The following C11orf42 variants were observed in gnomAD, a reference collection of about 807,000 sequenced individuals.
The protein encoded by C11orf42 is uncharacterized protein C11orf42.
C11orf42 carries 24 observed loss-of-function variants against 27.9 expected under a neutral mutation model. The ratio of observed to expected loss-of-function variants is 0.86; its 90% CI spans 0.62 to 1.21. The LOEUF is 1.21. Among genes scored for constraint, C11orf42 ranks in the 50% most tolerant of loss-of-function variants. The pLI, the probability that C11orf42 is intolerant of heterozygous loss-of-function variation, is 0.00. For synonymous variants in C11orf42, 187 were observed against 180.8 expected (o/e 1.03, Z -0.28); for missense variants, 455 against 424.1 (o/e 1.07, Z -0.64).
In C11orf42 at chr11:6,210,072, G is replaced by C. The variant is rs1847030469; in HGVS notation, c.295G>C (p.Glu99Gln). 3 of 1,614,218 alleles carry C rather than the reference G, an allele frequency of 1.9e-6. No individual in the cohort carries two copies. The highest frequency in any genetic ancestry group is 1.1e-5 in the South Asian group (1 of 91,080). ...GGGTGCCTTCGCCCACTGCACTCGG[G>C]AATACTCACCAAATGGCCGAGCAGA... ...SEGAFAHCTR[E>Q]YSPNGRAERA... The change falls in exon 2 of 3, where the codon GAA becomes CAA. Residue 99 changes from glutamate to glutamine, a missense_variant. Glu to Gln is a conservative substitution (Grantham distance 29). Transcript: ENST00000316375. This position sits in a 1 kb window ranked among gnomAD's most constrained non-coding sequence, Gnocchi z 4.0.
chr11:6,205,826 C>A (rs1037946771), intron 1 of C11orf42, 139 bp downstream of exon 1: 4 of 645,326 alleles, frequency 6.2e-6, no homozygotes, highest in South Asian at 6.2e-5. Context: ...ATGTGCCAGG[C>A]ACTGCAGTAA....
rs142849365 is a variant in C11orf42 at position 6,210,443 on chromosome 11, G to C, written c.666G>C (p.Gly222=). The change falls in exon 2 of 3, where the codon GGG becomes GGC. Residue 222 remains glycine, a synonymous_variant. Transcript: ENST00000316375. The surrounding 1 kb of genome is among the most constrained non-coding windows in gnomAD (Gnocchi z 4.0). ...KPLTKDPLPH[G]ANWVRPNLSI... ...TCACTAAAGACCCATTGCCCCATGGGGCCAACTGGGTCAGACCCAACCTCA... is the reference window on the plus strand; with the variant it reads ...TCACTAAAGACCCATTGCCCCATGGCGCCAACTGGGTCAGACCCAACCTCA... 1 of 1,614,154 alleles carries C rather than the reference G, an allele frequency of 6.2e-7. No individual in the cohort carries two copies. The highest frequency in any genetic ancestry group is 8.5e-7 in the Non-Finnish European group (1 of 1,180,024).
At chr11:6,206,289 A>C (rs1846978478) in intron 1 of C11orf42, among the ~76,000 whole-genome samples, 1 of 152,202 alleles carries the variant, frequency 6.6e-6, no homozygotes, top group Non-Finnish European at 1.5e-5. Flanking sequence ...CTTCCTATAG[A>C]ATCTGAACTT....
Position 6,209,896 on chromosome 11 carries a change from T to C in C11orf42, c.119T>C (p.Leu40Pro). Reference protein sequence around the residue: ...FGPNAVAVPFLSDAACYDLLG... With the variant: ...FGPNAVAVPFPSDAACYDLLG... ...CCCAATGCAGTAGCAGTACCTTTCC[T>C]GTCAGATGCAGCCTGCTATGACCTA... Residue 40 changes from leucine (L) to proline (P), a missense_variant, in exon 2 of 3, where the codon CTG becomes CCG. Physicochemically the swap from Leu to Pro is moderately conservative, Grantham distance 98. Transcript: ENST00000316375. 6.3e-7 allele frequency: 1 copy of C among 1,599,988 alleles called. No homozygotes were observed. Among genetic ancestry groups the C allele is most frequent in the Non-Finnish European group, 8.6e-7 (1 of 1,168,012 alleles).
intron 1 of C11orf42, among the ~76,000 whole-genome samples, chr11:6,208,650 C>T (rs1317269439): frequency 1.3e-5 from 2 of 152,166 alleles, no homozygotes; most frequent in East Asian, 3.9e-4. Context: ...TGGTCTCCAA[C>T]TCCTGACCTC....
At chr11:6,208,206 A>C (rs995929956) in intron 1 of C11orf42, among the ~76,000 whole-genome samples, 111 of 151,748 alleles carry the variant, frequency 7.3e-4, no homozygotes, top group African/African-American at 2.3e-3. Flanking sequence ...ACAAACAAAC[A>C]AACCACACAC....
In C11orf42 at chr11:6,210,939, C is replaced by T. The variant is rs758326666; in HGVS notation, c.899C>T (p.Pro300Leu). 1.2e-6 allele frequency: 2 copies of T among 1,609,012 alleles called. No homozygotes were observed. The highest frequency in any genetic ancestry group is 8.5e-7 in the Non-Finnish European group (1 of 1,178,404). Residue 300 changes from proline (P) to leucine (L), a missense_variant, in exon 3 of 3, where the codon CCT becomes CTT. Transcript: ENST00000316375. This position sits in a 1 kb window ranked among gnomAD's most constrained non-coding sequence, Gnocchi z 4.0. The part of the protein sequence containing the change: ...SENWLFSPRS[P>L]PPGAQGGGPR... ...AACTGGCTCTTCAGCCCCCGCAGCC[C>T]TCCACCAGGAGCCCAGGGTGGGGGC... is the stretch of plus-strand genomic sequence containing the variant.
rs773437281 is a variant in C11orf42 at position 6,205,672 on chromosome 11, C to T, written c.57C>T (p.Thr19=). Residue 19 remains threonine (T), a synonymous_variant, in exon 1 of 3, where the codon ACC becomes ACT. Transcript: ENST00000316375. ...LTLDEADATW[T]LIKDKVIEEH... ...TGGATGAAGCTGATGCCACCTGGACCCTCATCAAGGATAAGGTAGGTAAAG... is the reference window on the plus strand; with the variant it reads ...TGGATGAAGCTGATGCCACCTGGACTCTCATCAAGGATAAGGTAGGTAAAG... The T allele has an allele frequency of 2.5e-6, 4 of 1,613,640 alleles. No individual in the cohort carries two copies. Among genetic ancestry groups the T allele is most frequent in the East Asian group, 2.2e-5 (1 of 44,836 alleles).
chr11:6,207,148 A>C (rs1846987699), intron 1 of C11orf42, among the ~76,000 whole-genome samples: 1 of 152,206 alleles, frequency 6.6e-6, no homozygotes, highest in Non-Finnish European at 1.5e-5. Flanking sequence ...ATGAAGAAGC[A>C]GAAGTTCAGT....
Position 6,210,951 on chromosome 11 carries a change from C to G in C11orf42, c.911C>G (p.Ala304Gly). ...LFSPRSPPPGAQGGGPRDPDG... is the reference protein window; with the variant it reads ...LFSPRSPPPGGQGGGPRDPDG... Reference sequence around the variant, plus strand: ...AGCCCCCGCAGCCCTCCACCAGGAGCCCAGGGTGGGGGCCCCAGGGACCCC... The same window carrying G: ...AGCCCCCGCAGCCCTCCACCAGGAGGCCAGGGTGGGGGCCCCAGGGACCCC... The change falls in exon 3 of 3, where the codon GCC (alanine) becomes GGC (glycine). Residue 304 changes from alanine to glycine, a missense_variant. Transcript: ENST00000316375. This position sits in a 1 kb window ranked among gnomAD's most constrained non-coding sequence, Gnocchi z 4.0. 6.2e-7 allele frequency: 1 copy of G among 1,608,896 alleles called. No homozygotes were observed. Among genetic ancestry groups the G allele is most frequent in the Non-Finnish European group, 8.5e-7 (1 of 1,178,358 alleles).
At position 6,210,891 on chromosome 11, in the gene C11orf42, G is replaced by A; in HGVS notation, c.872-21G>A. 6.3e-7 allele frequency: 1 copy of A among 1,588,994 alleles called. No homozygotes were observed. The highest frequency in any genetic ancestry group is 8.6e-7 in the Non-Finnish European group (1 of 1,169,016). On this transcript the variant is annotated intron_variant, in intron 2 of 2. Coordinates refer to ENST00000316375, the MANE Select transcript of C11orf42 (RefSeq NM_173525.3). This position sits in a 1 kb window ranked among gnomAD's most constrained non-coding sequence, Gnocchi z 4.0. ...AAAGACCAGCCATGAGTCAAGCTGT[G>A]ACTATCCCCAACCCTGGCAGAGAAC...
intron 1 of C11orf42, among the ~76,000 whole-genome samples, chr11:6,207,123 G>A (rs1019532338): frequency 6.6e-6 from 1 of 152,106 alleles, no homozygotes; most frequent in Admixed American, 6.5e-5. Flanking sequence ...TGGGCCTAAG[G>A]TCCATATAAT....
intron 1 of C11orf42, 119 bp downstream of exon 1, chr11:6,205,806 C>A: frequency 1.3e-6 from 1 of 757,232 alleles, no homozygotes. Context: ...CATTTACTCA[C>A]TGCTTCCATA....
chr11:6,209,073 G>A (rs1048873759), intron 1 of C11orf42, among the ~76,000 whole-genome samples: 2 of 151,716 alleles, frequency 1.3e-5, no homozygotes, highest in Non-Finnish European at 2.9e-5. Context: ...CTACTTGGGA[G>A]GCTGAGCCAG....
chr11:6,206,414 G>A (rs2133761393), intron 1 of C11orf42, among the ~76,000 whole-genome samples: 1 of 152,298 alleles, frequency 6.6e-6, no homozygotes, highest in African/African-American at 2.4e-5. Flanking sequence ...CTGTATCTGG[G>A]TTGCAGATAT....
chr11:6,210,941 C>T lies in C11orf42; in HGVS notation c.901C>T (p.Pro301Ser). Residue 301 changes from proline (P) to serine (S), a missense_variant, in exon 3 of 3, where the codon CCA becomes TCA. Transcript: ENST00000316375. This position sits in a 1 kb window ranked among gnomAD's most constrained non-coding sequence, Gnocchi z 4.0. ...CTGGCTCTTCAGCCCCCGCAGCCCT[C>T]CACCAGGAGCCCAGGGTGGGGGCCC... ...ENWLFSPRSP[P>S]PGAQGGGPRD... The T allele has an allele frequency of 6.2e-7, 1 of 1,608,608 alleles. No individual in the cohort carries two copies.
At chr11:6,207,712 T>C (rs1284282073) in intron 1 of C11orf42, among the ~76,000 whole-genome samples, 1 of 152,236 alleles carries the variant, frequency 6.6e-6, no homozygotes, top group Non-Finnish European at 1.5e-5. Flanking sequence ...ACATCAGTTA[T>C]TCCTTCAGCC....
intron 1 of C11orf42, among the ~76,000 whole-genome samples, chr11:6,206,045 C>T (rs1310408205): frequency 6.6e-6 from 1 of 151,968 alleles, no homozygotes; most frequent in Non-Finnish European, 1.5e-5. Context: ...GAGAACCTGA[C>T]AAAAAGTGCT....
Position 6,210,285 on chromosome 11 carries a change from T to G in C11orf42, c.508T>G (p.Trp170Gly). The stretch of plus-strand genomic sequence containing the variant: ...CATCTACCAGGTCTTCTCTTGTTCC[T>G]GGCTGCAGCTGGGGCTGACGTCTAC... Reference protein sequence around the residue: ...YVIYQVFSCSWLQLGLTSTAR... With the variant: ...YVIYQVFSCSGLQLGLTSTAR... The change falls in exon 2 of 3, where the codon TGG becomes GGG. Residue 170 changes from tryptophan (W) to glycine (G), a missense_variant. Trp to Gly is a radical substitution (Grantham distance 184). Coordinates refer to ENST00000316375, the MANE Select transcript of C11orf42 (RefSeq NM_173525.3). The surrounding 1 kb of genome is among the most constrained non-coding windows in gnomAD (Gnocchi z 4.0). 6.2e-7 allele frequency: 1 copy of G among 1,614,230 alleles called. No individual in the cohort carries two copies. The highest frequency in any genetic ancestry group is 8.5e-7 in the Non-Finnish European group (1 of 1,180,034).
Sources: gnomAD v4.1 joint callset for allele counts (sites outside exome capture counted in the v4.1 genomes callset) on GRCh38, gnomAD v4.1.1 for gene constraint, Gnocchi (gnomAD v3.1) non-coding constraint, MANE v1.5 for transcripts, NCBI Gene and HGNC (gene_info 2026-07-23, HGNC 2026-07-21) for gene names.